Variants in ZBTB17 observed in about 807,000 individuals in gnomAD.
The protein encoded by ZBTB17 is zinc finger and BTB domain containing 17, also known as zinc finger and BTB domain-containing protein 17.
ZBTB17 carries 24 observed loss-of-function variants against 85.1 expected under a neutral mutation model. That is an observed-to-expected ratio of 0.28 (90% CI 0.20 to 0.40). The LOEUF (loss-of-function observed/expected upper bound fraction) is 0.40, where lower values mean the gene tolerates loss of function less well. ZBTB17 is among the 10% of genes least tolerant of loss of function. The pLI is 1.00. For synonymous variants in ZBTB17, 464 were observed against 460.2 expected, an observed-to-expected ratio of 1.01 and a Z score of -0.11; for missense variants, 743 against 1,105.1, an observed-to-expected ratio of 0.67 and a Z score of 4.65.
chr1:15,946,445 C>T (rs2071616399), intron 4 of ZBTB17, 151 bp from the exon 5 acceptor site: 7 of 1,185,758 alleles, frequency 5.9e-6, no homozygotes, highest in East Asian at 2.4e-5. Flanking sequence ...CCAAATTATT[C>T]ACAGGGCACC....
At chr1:15,948,543 T>G (rs2071706773) in intron 2 of ZBTB17, 46 bp from the exon 3 acceptor site, 1 of 1,574,232 alleles carries the variant, frequency 6.4e-7, no homozygotes, top group East Asian at 2.3e-5. Flanking sequence ...AGAAAGGACG[T>G]CAGACACGCT....
At chr1:15,944,167 G>C in intron 9 of ZBTB17, 133 bp downstream of exon 9, 1 of 1,351,188 alleles carries the variant, frequency 7.4e-7, no homozygotes, top group African/African-American at 1.5e-5. Flanking sequence ...CGCTGCGCCT[G>C]TTTCCTGGGT....
chr1:15,961,622 C>T (rs1420707269), intron 2 of ZBTB17, among the ~76,000 whole-genome samples: 3 of 152,214 alleles, frequency 2.0e-5, no homozygotes, highest in Non-Finnish European at 4.4e-5. Flanking sequence ...GGGCCCAGGG[C>T]TCGCCCTTCA....
intron 2 of ZBTB17, among the ~76,000 whole-genome samples, chr1:15,962,865 C>T (rs111570427): frequency 0.036 from 5,418 of 152,176 alleles, 310 homozygotes; most frequent in African/African-American, 0.12. Context: ...CACTTGAGGC[C>T]GGGAGTTCAA....
chr1:15,945,124 G>A lies in ZBTB17; in HGVS notation c.740C>T (p.Pro247Leu). The change falls in exon 7 of 16, where the codon CCA becomes CTA. Residue 247 changes from proline (P) to leucine (L), a missense_variant. By Grantham distance (98) the Pro-to-Leu change is moderately conservative. Around this residue, in one of 4 missense-constraint regions of ZBTB17, gnomAD observed 279 missense variants for 269.9 expected, o/e 1.03. Coordinates refer to ENST00000375743, the MANE Select transcript of ZBTB17 (RefSeq NM_003443.3). Reference sequence around the variant, plus strand: ...GGAACCCTCCTCCTTGACCTCAGCTGGCCCTGCGCCCTCCTCCTCTTGCTC... The same window carrying A: ...GGAACCCTCCTCCTTGACCTCAGCTAGCCCTGCGCCCTCCTCCTCTTGCTC... The part of the protein sequence containing the change: ...QEEQEEEGAG[P>L]AEVKEEGSQL... The A allele has an allele frequency of 6.2e-7, 1 of 1,604,794 alleles. No individual in the cohort carries two copies. Among genetic ancestry groups the A allele is most frequent in the Non-Finnish European group, 8.5e-7 (1 of 1,175,924 alleles).
At position 15,942,265 on chromosome 1, in the gene ZBTB17, G is replaced by A; in HGVS notation, c.2129-13C>T. On this transcript the variant is annotated splice_polypyrimidine_tract_variant and intron_variant, in intron 15 of 15. Transcript: ENST00000375743. The stretch of plus-strand genomic sequence containing the variant: ...TGAGTGTTGGGGTCTGTGGAGGTGG[G>A]GCAGCAGTCAGAGTGGGAAGGACCC... 6.2e-7 allele frequency: 1 copy of A among 1,613,138 alleles called. No individual in the cohort carries two copies. Among genetic ancestry groups the A allele is most frequent in the South Asian group, 1.1e-5 (1 of 91,074 alleles).
chr1:15,948,129 TG>T, intron 3 of ZBTB17, 161 bp downstream of exon 3: 2 of 805,116 alleles, frequency 2.5e-6, no homozygotes, highest in Non-Finnish European at 4.1e-6. Flanking sequence ...CCCCAAAAGG[TG>T]GGAGGAACTT....
Position 15,943,141 on chromosome 1 carries a change from C to T in ZBTB17, c.1751G>A (p.Arg584His). 6.2e-7 allele frequency: 1 copy of T among 1,614,140 alleles called. No homozygotes were observed. The highest frequency in any genetic ancestry group is 1.1e-5 in the South Asian group (1 of 91,082). Residue 584 changes from arginine to histidine, a missense_variant, in exon 13 of 16, where the codon CGC (arginine) becomes CAC (histidine). Physicochemically the swap from Arg to His is conservative, Grantham distance 29. This residue lies in a region of ZBTB17 where 321 missense variants were observed against 615.7 expected (regional missense o/e 0.52). Transcript: ENST00000375743. ...ANHIRHHDNIRPHKCSVCSKA... is the reference protein window; with the variant it reads ...ANHIRHHDNIHPHKCSVCSKA... ...GCTGCACACGCTGCACTTGTGTGGG[C>T]GGATGTTGTCGTGGTGGCGAATATG...
At chr1:15,948,925 T>C (rs1307166077) in intron 2 of ZBTB17, among the ~76,000 whole-genome samples, 2 of 152,212 alleles carry the variant, frequency 1.3e-5, no homozygotes, top group Non-Finnish European at 2.9e-5. Flanking sequence ...GATGTTTCAA[T>C]TGGACATGTT....
Position 15,976,076 on chromosome 1 carries a change from T to C in ZBTB17, c.-183A>G. The C allele has an allele frequency of 2.9e-6, 2 of 687,552 alleles. No homozygotes were observed. The highest frequency in any genetic ancestry group is 5.6e-5 in the East Asian group (2 of 35,766). 42.6% of individuals were successfully genotyped at this position (687,552 alleles called of 1,614,324 possible). ...CCAGAGCAGACAAAGGGCGCCGCCA[T>C]GTTAGAGTCGGGCGGAACCGACCTC... On this transcript the variant is annotated 5_prime_UTR_variant, in exon 1 of 16. The change abolishes an upstream ATG in the 5' untranslated region. Transcript: ENST00000375743.
At chr1:15,944,889 C>T (rs980494540) in intron 7 of ZBTB17, 48 bp downstream of exon 7, 28 of 1,563,652 alleles carry the variant, frequency 1.8e-5, no homozygotes, top group African/African-American at 2.7e-5. Flanking sequence ...GGTGGGAGGC[C>T]GGAGGGGAGG....
At chr1:15,948,240 G>T (rs372526111) in intron 3 of ZBTB17, 51 bp downstream of exon 3, 1 of 1,607,590 alleles carries the variant, frequency 6.2e-7, no homozygotes, top group South Asian at 1.1e-5. Context: ...GCACAGGGCC[G>T]GCCATAGCTT....
intron 2 of ZBTB17, among the ~76,000 whole-genome samples, chr1:15,968,934 C>T (rs758839017): frequency 6.6e-6 from 1 of 152,222 alleles, no homozygotes; most frequent in African/African-American, 2.4e-5. Context: ...GGGTTCCCAA[C>T]CCCTGGGCCA....
chr1:15,961,625 G>C (rs1027714549), intron 2 of ZBTB17, among the ~76,000 whole-genome samples: 1 of 152,172 alleles, frequency 6.6e-6, no homozygotes, highest in African/African-American at 2.4e-5. Context: ...CCCAGGGCTC[G>C]CCCTTCAACA....
intron 2 of ZBTB17, among the ~76,000 whole-genome samples, chr1:15,949,135 CTG>C (rs1254167701): frequency 6.6e-6 from 1 of 152,160 alleles, no homozygotes. Flanking sequence ...CTCCAGAAAC[CTG>C]TGTCCTGGTG....
At chr1:15,975,653 G>A (rs985583813) in intron 1 of ZBTB17, among the ~76,000 whole-genome samples, 1 of 151,698 alleles carries the variant, frequency 6.6e-6, no homozygotes, top group African/African-American at 2.4e-5. Context: ...CCTCGACAGC[G>A]CGCGGGGTCA....
chr1:15,942,040 C>T lies in ZBTB17; in HGVS notation c.2341G>A (p.Gly781Arg), dbSNP rs773987964. ...AGELVFRPRD[G>R]AEGQPALAET... is the part of the protein sequence containing the mutation. ...GCCAGTGCGGGCTGGCCCTCAGCCC[C>T]GTCGCGAGGGCGGAAGACCAGCTCC... The change falls in exon 16 of 16, where the codon GGG (glycine) becomes AGG (arginine). Residue 781 changes from glycine (G) to arginine (R), a missense_variant. This residue lies in a region of ZBTB17 where 69 missense variants were observed against 77.0 expected (regional missense o/e 0.90). Coordinates refer to ENST00000375743, the MANE Select transcript of ZBTB17 (RefSeq NM_003443.3). 8.7e-6 allele frequency: 14 copies of T among 1,611,110 alleles called. No individual in the cohort carries two copies. The highest frequency in any genetic ancestry group is 1.6e-4 in the Middle Eastern group (1 of 6,082).
At chr1:15,949,318 T>C (rs889345015) in intron 2 of ZBTB17, among the ~76,000 whole-genome samples, 5 of 152,142 alleles carry the variant, frequency 3.3e-5, no homozygotes, top group Non-Finnish European at 7.3e-5. Context: ...CGTGACTAAG[T>C]AACTATCTAA....
In ZBTB17 at chr1:15,945,024, G is replaced by C. The variant is rs1039371278; in HGVS notation, c.840C>G (p.Leu280=). The change falls in exon 7 of 16, where the codon CTC becomes CTG. Residue 280 remains leucine (L), a synonymous_variant. Transcript: ENST00000375743. ...AGCGCAGGCCCCGGGCCTCGGAGCC[G>C]AGCTCCTGCCCCGAGTCTGTGCCCG... ...ESAGTDSGQE[L]GSEARGLRSG... is the part of the protein sequence containing the mutation. 6.2e-7 allele frequency: 1 copy of C among 1,604,716 alleles called. No homozygotes were observed. Among genetic ancestry groups the C allele is most frequent in the South Asian group, 1.1e-5 (1 of 89,344 alleles).
Sources: allele counts gnomAD v4.1 joint callset (sites outside exome capture counted in the v4.1 genomes callset), GRCh38; gene constraint gnomAD v4.1.1; regional missense constraint gnomAD v4.1.1; transcripts MANE v1.5; gene names NCBI Gene and HGNC (gene_info 2026-07-23, HGNC 2026-07-21).